PLEKHA8: variants seen among roughly 807,000 people sequenced by gnomAD.
PLEKHA8 encodes pleckstrin homology domain-containing family A member 8.
In PLEKHA8, 36 loss-of-function variants were observed where a neutral mutation model predicts 68.2. The observed-to-expected ratio is 0.53, with a 90% CI of 0.40 to 0.70. The LOEUF (loss-of-function observed/expected upper bound fraction) is 0.70. Among genes scored for constraint, PLEKHA8 ranks in the 30% least tolerant of loss-of-function variants. PLEKHA8 has a pLI of 0.00. For missense variants in PLEKHA8, 505 were observed against 615.4 expected (o/e 0.82, Z 1.90); for synonymous variants, 211 against 216.1 (o/e 0.98, Z 0.20).
At chr7:30,033,315 C>T (rs945527397) in intron 1 of PLEKHA8, among the ~76,000 whole-genome samples, 4 of 152,230 alleles carry the variant, frequency 2.6e-5, no homozygotes, top group African/African-American at 9.6e-5. Context: ...CCTACACCTG[C>T]CCTTCACTGT....
chr7:30,034,761 A>C (rs963552413), intron 1 of PLEKHA8, among the ~76,000 whole-genome samples: 10 of 152,186 alleles, frequency 6.6e-5, no homozygotes, highest in Admixed American at 1.3e-4. Flanking sequence ...ATTCAAACCC[A>C]TGGTATGCAA....
Position 30,079,436 on chromosome 7 carries a change from C to T in PLEKHA8, c.*649C>T. The T allele has an allele frequency of 1.0e-6, 1 of 985,372 alleles. No homozygotes were observed. Among genetic ancestry groups the T allele is most frequent in the East Asian group, 1.1e-4 (1 of 8,808 alleles). 61.0% of individuals were successfully genotyped at this position (985,372 alleles called of 1,614,324 possible). The stretch of plus-strand genomic sequence containing the variant: ...TGCTCTGAGAAGATTAATGGTGTGC[C>T]CTAGCCCCAAGTTGGAGGGGAGAAT... On this transcript the variant is annotated 3_prime_UTR_variant, in exon 14 of 14. Transcript: ENST00000449726.
chr7:30,116,548 C>T (rs1351222435), intron 13 of PLEKHA8, among the ~76,000 whole-genome samples: 2 of 152,132 alleles, frequency 1.3e-5, no homozygotes, highest in East Asian at 1.9e-4. Flanking sequence ...CTCTTCTGCA[C>T]CTAGCAACCT....
intron 7 of PLEKHA8, among the ~76,000 whole-genome samples, chr7:30,053,915 G>C (rs1792616995): frequency 6.6e-6 from 1 of 152,114 alleles, no homozygotes; most frequent in African/African-American, 2.4e-5. Flanking sequence ...TTTTATGTGT[G>C]TTTTCATTTA....
intron 12 of PLEKHA8, among the ~76,000 whole-genome samples, chr7:30,065,442 GACACAACAAGCTCT>G (rs1793771151): frequency 8.0e-6 from 1 of 125,330 alleles, no homozygotes; most frequent in African/African-American, 3.0e-5. Flanking sequence ...CACAGACACA[GACACAACAAGCTCT>G]GCGTAAACGG....
intron 4 of PLEKHA8, among the ~76,000 whole-genome samples, 168 bp downstream of exon 4, chr7:30,048,124 A>T (rs1562861776): frequency 6.6e-6 from 1 of 152,084 alleles, no homozygotes; most frequent in Non-Finnish European, 1.5e-5. Context: ...TAATTTTTTG[A>T]CTATCTTGGA....
At chr7:30,038,821 G>A (rs1222087954) in intron 1 of PLEKHA8, among the ~76,000 whole-genome samples, 1 of 151,790 alleles carries the variant, frequency 6.6e-6, no homozygotes, top group Non-Finnish European at 1.5e-5. Context: ...TGACTCACAA[G>A]TAATTACTTT....
At chr7:30,067,892 A>T (rs1793971954) in intron 12 of PLEKHA8, among the ~76,000 whole-genome samples, 1 of 152,232 alleles carries the variant, frequency 6.6e-6, no homozygotes, top group African/African-American at 2.4e-5. Context: ...GACACAGTTG[A>T]TTACAGATTT....
chr7:30,071,397 T>G (rs1468757149), intron 12 of PLEKHA8, among the ~76,000 whole-genome samples: 1 of 152,186 alleles, frequency 6.6e-6, no homozygotes, highest in Non-Finnish European at 1.5e-5. Context: ...CATCTACCAC[T>G]CTGCTCTCTA....
intron 1 of PLEKHA8, among the ~76,000 whole-genome samples, chr7:30,044,213 G>T (rs1791772957): frequency 2.0e-5 from 3 of 152,004 alleles, no homozygotes. Flanking sequence ...CACCATGTTG[G>T]CCAGGATGGT....
intron 12 of PLEKHA8, among the ~76,000 whole-genome samples, chr7:30,063,900 C>T (rs897748079): frequency 2.6e-5 from 4 of 152,220 alleles, no homozygotes; most frequent in African/African-American, 9.6e-5. Flanking sequence ...TCCACCATTC[C>T]TGGGCCACCT....
At chr7:30,046,158 T>C in intron 2 of PLEKHA8, 52 bp from the exon 3 acceptor site, 1 of 1,471,088 alleles carries the variant, frequency 6.8e-7, no homozygotes. Flanking sequence ...GGTTGGAGGC[T>C]ACCCAGACAG....
Position 30,083,329 on chromosome 7 carries a change from A to G in PLEKHA8, c.*4542A>G. The G allele has an allele frequency of 1.0e-6, 1 of 985,210 alleles. No homozygotes were observed. The highest frequency in any genetic ancestry group is 1.2e-6 in the Non-Finnish European group (1 of 829,700). 61.0% of individuals were successfully genotyped at this position (985,210 alleles called of 1,614,324 possible). On this transcript the variant is annotated 3_prime_UTR_variant, in exon 14 of 14. Transcript: ENST00000449726. ...CAGGGGTTTCATAGTCATTTCATAA[A>G]AAATAATTCACTAGCTGTCTAATGG...
downstream of PLEKHA8, among the ~76,000 whole-genome samples, chr7:30,087,177 A>C (rs1354439727): frequency 2.0e-5 from 3 of 152,224 alleles, no homozygotes; most frequent in Non-Finnish European, 2.9e-5. Context: ...AGAGTCTTTT[A>C]TGAGATCACC....
At chr7:30,097,933 T>C (rs975902016) in intron 13 of PLEKHA8, among the ~76,000 whole-genome samples, 11 of 152,240 alleles carry the variant, frequency 7.2e-5, no homozygotes, top group Non-Finnish European at 1.5e-4. Flanking sequence ...TTTTCTGCTC[T>C]GTTTTTTCCC....
exon 13 of PLEKHA8, chr7:30,090,257 C>A: frequency 2.0e-6 from 3 of 1,497,058 alleles, no homozygotes; most frequent in South Asian, 2.5e-5. Context: ...AAAAGCAAGT[C>A]ACCAAGGGAC....
chr7:30,046,432 T>C, intron 3 of PLEKHA8, 67 bp downstream of exon 3: 1 of 1,490,544 alleles, frequency 6.7e-7, no homozygotes, highest in Non-Finnish European at 9.0e-7. Flanking sequence ...TGATTTCCCT[T>C]ATTTGTTATC....
chr7:30,125,168 T>G lies in PLEKHA8; in HGVS notation c.1363-4098T>G, dbSNP rs573081090. ...TCACATAAAAAGATAAGGGCTAGGT[T>G]TCTTTGATGTGTTACTATTGTAGGA... On this transcript the variant is annotated intron_variant, in intron 13 of 13. Coordinates refer to the PLEKHA8 transcript ENST00000396257. 3.3e-5 allele frequency among the ~76,000 whole-genome samples: 5 copies of G among 152,288 alleles called. No individual in the cohort carries two copies. The South Asian group carries it at 1.0e-3, about 32-fold the overall frequency.
chr7:30,063,159 AG>A (rs1793569935), intron 12 of PLEKHA8, among the ~76,000 whole-genome samples: 1 of 152,218 alleles, frequency 6.6e-6, no homozygotes. Flanking sequence ...GTAAGAGTAA[AG>A]GTTTTCGTCG....
Sources: gnomAD v4.1 joint callset for allele counts (sites outside exome capture counted in the v4.1 genomes callset) on GRCh38, gnomAD v4.1.1 for gene constraint, MANE v1.5 for transcripts, NCBI Gene and HGNC (gene_info 2026-07-23, HGNC 2026-07-21) for gene names.